The following CSMD1 variants were observed in gnomAD, a reference collection of about 807,000 sequenced individuals.
CSMD1 encodes CUB and sushi domain-containing protein 1.
CSMD1 carries 213 observed loss-of-function variants against 417.5 expected under a neutral mutation model. The observed-to-expected ratio is 0.51, with a 90% CI of 0.46 to 0.57. The LOEUF (loss-of-function observed/expected upper bound fraction) is 0.57, where lower values mean the gene tolerates loss of function less well. Among genes scored for constraint, CSMD1 ranks in the 20% least tolerant of loss-of-function variants. The pLI is 0.00. For missense variants in CSMD1, 6,923 were observed against 4,529.7 expected (o/e 1.53, Z -15.17); for synonymous variants, 2,862 against 1,736.8 (o/e 1.65, Z -16.11).
chr8:3,421,819 G>C (rs1462998507), intron 12 of CSMD1, among the ~76,000 whole-genome samples: 3 of 152,094 alleles, frequency 2.0e-5, no homozygotes, highest in Non-Finnish European at 2.9e-5. Context: ...TGTATTTTTC[G>C]TACAGACAGG....
chr8:3,798,407 G>A (rs1256321296), intron 5 of CSMD1, among the ~76,000 whole-genome samples: 2 of 152,018 alleles, frequency 1.3e-5, no homozygotes, highest in Non-Finnish European at 2.9e-5. Context: ...GCCCAAGTGT[G>A]AGTGTGAGGT....
chr8:4,844,264 G>T (rs1052960022), intron 1 of CSMD1, among the ~76,000 whole-genome samples: 1 of 152,030 alleles, frequency 6.6e-6, no homozygotes, highest in African/African-American at 2.4e-5. Context: ...TAGCATTTGG[G>T]GACTCGGTGT....
chr8:4,478,694 G>C (rs183713052), intron 2 of CSMD1, among the ~76,000 whole-genome samples: 1 of 152,092 alleles, frequency 6.6e-6, no homozygotes, highest in Admixed American at 6.5e-5. Flanking sequence ...CATGTTAACT[G>C]GTTACTTGTA....
At chr8:4,419,718 A>T (rs1220081186) in intron 3 of CSMD1, among the ~76,000 whole-genome samples, 2 of 152,090 alleles carry the variant, frequency 1.3e-5, no homozygotes, top group Non-Finnish European at 2.9e-5. Context: ...CCAAAACAAA[A>T]CCCCAAGAAG....
intron 9 of CSMD1, among the ~76,000 whole-genome samples, chr8:3,581,533 C>G (rs1196317085): frequency 6.6e-6 from 1 of 152,188 alleles, no homozygotes; most frequent in African/African-American, 2.4e-5. Context: ...ATGCTTCCAT[C>G]AGATATTCCT....
intron 5 of CSMD1, among the ~76,000 whole-genome samples, chr8:3,945,761 A>C (rs956115592): frequency 4.6e-5 from 7 of 152,108 alleles, no homozygotes; most frequent in African/African-American, 1.4e-4. Flanking sequence ...AATGGGCTGG[A>C]ACTGGAGATA....
rs116557824 is a variant in CSMD1, at chr8:4,076,984, A to G, written c.416-44885T>C. ...TCCTCTGAATTATATCATCAGAATGAAGAATAAATTCCAGCTAATAGTAAG... is the reference window on the plus strand; with the variant it reads ...TCCTCTGAATTATATCATCAGAATGGAGAATAAATTCCAGCTAATAGTAAG... On this transcript the variant is annotated intron_variant, in intron 3 of 69. Coordinates refer to ENST00000635120, the MANE Select transcript of CSMD1 (RefSeq NM_033225.6). 6.1e-3 allele frequency among the ~76,000 whole-genome samples: 932 copies of G among 152,318 alleles called. 10 individuals are homozygous for G. The highest frequency in any genetic ancestry group is 0.021 in the African/African-American group (873 of 41,562).
chr8:3,958,077 C>G (rs1244120632), intron 5 of CSMD1, among the ~76,000 whole-genome samples: 1 of 152,124 alleles, frequency 6.6e-6, no homozygotes. Context: ...GCTATCTTAA[C>G]TTTTATTACT....
intron 3 of CSMD1, among the ~76,000 whole-genome samples, chr8:4,225,154 A>G (rs1801273022): frequency 6.6e-6 from 1 of 152,206 alleles, no homozygotes; most frequent in African/African-American, 2.4e-5. Flanking sequence ...TGTTCATGTC[A>G]GGGCAACTTC....
chr8:3,985,314 C>T (rs984673543), intron 5 of CSMD1, among the ~76,000 whole-genome samples: 1 of 152,180 alleles, frequency 6.6e-6, no homozygotes, highest in Non-Finnish European at 1.5e-5. Flanking sequence ...ATTTTTAAAG[C>T]AGGCATATAT....
chr8:4,277,828 A>T (rs928410032), intron 3 of CSMD1, among the ~76,000 whole-genome samples: 1 of 152,034 alleles, frequency 6.6e-6, no homozygotes, highest in African/African-American at 2.4e-5. Context: ...GTTCACTGCA[A>T]GGTCTGCCTC....
At chr8:4,752,678 G>A (rs1000876970) in intron 1 of CSMD1, among the ~76,000 whole-genome samples, 2 of 152,192 alleles carry the variant, frequency 1.3e-5, no homozygotes, top group Non-Finnish European at 2.9e-5. Flanking sequence ...ATCTGATGGT[G>A]AAATGGGATT....
intron 23 of CSMD1, among the ~76,000 whole-genome samples, chr8:3,336,614 C>A (rs192147828): frequency 2.6e-5 from 4 of 152,202 alleles, no homozygotes; most frequent in Non-Finnish European, 4.4e-5. Flanking sequence ...CACTTTACCA[C>A]AGAGCAAGGG....
At chr8:4,081,574 C>G (rs1382191179) in intron 3 of CSMD1, among the ~76,000 whole-genome samples, 2 of 152,052 alleles carry the variant, frequency 1.3e-5, no homozygotes, top group South Asian at 2.1e-4. Context: ...CCTAGTTGAC[C>G]CAGAACACTA....
rs75579559 is a variant in CSMD1 at position 3,641,154 on chromosome 8, A to G, written c.1010-24357T>C. Among the ~76,000 whole-genome samples, 620 of 151,518 alleles carry G rather than the reference A, an allele frequency of 4.1e-3. 8 individuals are homozygous for G. Among genetic ancestry groups the G allele is most frequent in the African/African-American group, 0.015 (600 of 41,226 alleles). On this transcript the variant is annotated intron_variant, in intron 7 of 69. Transcript: ENST00000635120. Reference sequence around the variant, plus strand: ...GTGCTCAGACAGACCGGTTCTCTGAATCTGCACATGTAACATGCAATGGGT... The same window carrying G: ...GTGCTCAGACAGACCGGTTCTCTGAGTCTGCACATGTAACATGCAATGGGT...
chr8:4,558,268 C>G (rs957897627), intron 2 of CSMD1, among the ~76,000 whole-genome samples: 1 of 152,182 alleles, frequency 6.6e-6, no homozygotes, highest in Non-Finnish European at 1.5e-5. Context: ...TCCACTTCCA[C>G]AAACACACAG....
chr8:4,644,092 C>A (rs1585381862), intron 1 of CSMD1, among the ~76,000 whole-genome samples: 1 of 152,340 alleles, frequency 6.6e-6, no homozygotes, highest in Non-Finnish European at 1.5e-5. Flanking sequence ...ATCGATTTCT[C>A]ACTGTGGAGT....
At chr8:3,825,851 G>A (rs1056753667) in intron 5 of CSMD1, among the ~76,000 whole-genome samples, 1 of 152,160 alleles carries the variant, frequency 6.6e-6, no homozygotes, top group Non-Finnish European at 1.5e-5. Flanking sequence ...TAGACATATA[G>A]AGACGCATTG....
chr8:3,917,659 G>C (rs754943559), intron 5 of CSMD1, among the ~76,000 whole-genome samples: 55 of 151,908 alleles, frequency 3.6e-4, no homozygotes, highest in African/African-American at 1.3e-3. Context: ...CGACTAACAT[G>C]CAAAAAGTTG....
Sources: gnomAD v4.1 joint callset for allele counts (sites outside exome capture counted in the v4.1 genomes callset) on GRCh38, gnomAD v4.1.1 for gene constraint, MANE v1.5 for transcripts, NCBI Gene and HGNC (gene_info 2026-07-23, HGNC 2026-07-21) for gene names.